BPIFB6: variants seen among roughly 807,000 people sequenced by gnomAD.
The protein encoded by BPIFB6 is BPI fold-containing family B member 6.
BPIFB6 carries 47 observed loss-of-function variants against 54.7 expected under a neutral mutation model. The ratio of observed to expected loss-of-function variants is 0.86; its 90% CI spans 0.68 to 1.10. The LOEUF is 1.10. Ranked by LOEUF, BPIFB6 falls within the 50% of genes least tolerant of loss-of-function variation. The pLI is 0.00. For synonymous variants in BPIFB6, 255 were observed against 225.9 expected (o/e 1.13, Z -1.16); for missense variants, 603 against 564.1 (o/e 1.07, Z -0.70).
Position 33,035,127 on chromosome 20 carries a change from A to G in BPIFB6, c.499A>G (p.Lys167Glu), listed in dbSNP as rs1394304226. The change falls in exon 5 of 15, where the codon AAA becomes GAA. Residue 167 changes from lysine (K) to glutamate (E), a missense_variant. Coordinates refer to ENST00000349552, the MANE Select transcript of BPIFB6 (RefSeq NM_174897.2). Reference protein sequence around the residue: ...VNKFLDSTLHKVLPGLMCPAI... With the variant: ...VNKFLDSTLHEVLPGLMCPAI... The stretch of plus-strand genomic sequence containing the variant: ...CAAGTTCCTGGACAGCACCCTGCAC[A>G]AAGTCCTCCCTGGGCTGGTGAGTGA... 2.5e-6 allele frequency: 4 copies of G among 1,613,704 alleles called. No homozygotes were observed. Among genetic ancestry groups the G allele is most frequent in the Non-Finnish European group, 3.4e-6 (4 of 1,180,028 alleles).
chr20:33,039,606 G>A lies in BPIFB6; in HGVS notation c.1074+86G>A. On this transcript the variant is annotated intron_variant, in intron 10 of 14. Coordinates refer to ENST00000349552, the MANE Select transcript of BPIFB6 (RefSeq NM_174897.2). Reference sequence around the variant, plus strand: ...GATGGGATTTTTAGTTGACAGCCAAGTCATGGATCAGAGGGATCAGTTAAT... The same window carrying A: ...GATGGGATTTTTAGTTGACAGCCAAATCATGGATCAGAGGGATCAGTTAAT... The A allele has an allele frequency of 2.2e-6, 3 of 1,389,036 alleles. No individual in the cohort carries two copies. The Admixed American group carries it at 6.2e-5, about 29-fold the overall frequency. The allele number at this position is 1,389,036 out of a possible 1,614,324, so 86.0% of individuals were successfully genotyped here.
At chr20:33,037,976 C>G (rs1176888442) in intron 8 of BPIFB6, among the ~76,000 whole-genome samples, 2 of 152,104 alleles carry the variant, frequency 1.3e-5, no homozygotes, top group Non-Finnish European at 2.9e-5. Context: ...ATTTATCAAC[C>G]TACATCTCTA....
At position 33,036,517 on chromosome 20, in the gene BPIFB6, A is replaced by G; in HGVS notation, c.650A>G (p.Tyr217Cys). 6.2e-7 allele frequency: 1 copy of G among 1,614,198 alleles called. No individual in the cohort carries two copies. Among genetic ancestry groups the G allele is most frequent in the South Asian group, 1.1e-5 (1 of 91,086 alleles). The change falls in exon 7 of 15, where the codon TAC (tyrosine) becomes TGC (cysteine). Residue 217 changes from tyrosine (Y) to cysteine (C), a missense_variant. Tyr to Cys is a radical substitution (Grantham distance 194, BLOSUM62 -2). Coordinates refer to ENST00000349552, the MANE Select transcript of BPIFB6 (RefSeq NM_174897.2). ...TCCGCACCAGCCACCACAGCCAGCT[A>G]CATCCAACTGGACTTCAGTGTAAGC... ...LMSAPATTAS[Y>C]IQLDFSPVVQ...
chr20:33,036,648 C>T (rs1256328319), intron 7 of BPIFB6, 112 bp downstream of exon 7: 4 of 1,023,374 alleles, frequency 3.9e-6, no homozygotes, highest in Non-Finnish European at 4.6e-6. Flanking sequence ...GGGAGGGAGG[C>T]CCCTCAAGCC....
At chr20:33,034,342 A>C in intron 3 of BPIFB6, 52 bp downstream of exon 3, 3 of 1,219,102 alleles carry the variant, frequency 2.5e-6, no homozygotes, top group Non-Finnish European at 2.4e-6. Flanking sequence ...TTCCTGTCTC[A>C]TCCTTACATG....
At chr20:33,037,845 G>A in intron 8 of BPIFB6, 107 bp downstream of exon 8, 2 of 1,271,766 alleles carry the variant, frequency 1.6e-6, no homozygotes, top group Non-Finnish European at 2.2e-6. Context: ...GCAACACTAG[G>A]ACTGGAAGAT....
intron 12 of BPIFB6, 33 bp downstream of exon 12, chr20:33,042,048 G>T (rs56181651): frequency 4.4e-6 from 7 of 1,601,286 alleles, no homozygotes; most frequent in South Asian, 2.2e-5. Context: ...CCTGTCCGGC[G>T]TGAGGACAAG....
intron 5 of BPIFB6, 75 bp from the exon 6 acceptor site, chr20:33,035,537 C>G: frequency 1.3e-6 from 2 of 1,487,800 alleles, no homozygotes; most frequent in Non-Finnish European, 1.9e-6. Context: ...TGGGATGGCC[C>G]GTGGTGTACC....
In BPIFB6 at chr20:33,034,045, C is replaced by T. The variant is rs550380672; in HGVS notation, c.198-141C>T. The T allele has an allele frequency of 4.2e-5, 29 of 695,536 alleles. No homozygotes were observed. The East Asian group carries it at 6.7e-4, about 16-fold the overall frequency. 43.1% of individuals were successfully genotyped at this position (695,536 alleles called of 1,614,324 possible). A position where few individuals can be genotyped will look rare whatever the true frequency, so the allele number is the denominator to read the frequency against. ...TTTTGTTTTGCATTTCATAATGGCC[C>T]CATGAATCATGCTTACCCCCATGAC... On this transcript the variant is annotated intron_variant, in intron 2 of 14. Coordinates refer to ENST00000349552, the MANE Select transcript of BPIFB6 (RefSeq NM_174897.2).
At chr20:33,043,269 T>C (rs757195828) in intron 13 of BPIFB6, 22 bp from the exon 14 acceptor site, 12 of 1,610,898 alleles carry the variant, frequency 7.4e-6, no homozygotes, top group East Asian at 2.2e-5. Flanking sequence ...CAGGCTGATA[T>C]GACTCTTACT....
chr20:33,033,243 T>C (rs1979182113), intron 2 of BPIFB6, 160 bp downstream of exon 2: 1 of 695,242 alleles, frequency 1.4e-6, no homozygotes, highest in African/African-American at 1.8e-5. Flanking sequence ...GGTAGGTCAC[T>C]GCTCCTGCCT....
intron 2 of BPIFB6, 119 bp from the exon 3 acceptor site, chr20:33,034,067 T>G (rs969335587): frequency 2.7e-6 from 2 of 750,872 alleles, no homozygotes; most frequent in Admixed American, 3.5e-5. Flanking sequence ...CTTACCCCCA[T>G]GACATGGGAT....
At chr20:33,042,091 C>A in intron 12 of BPIFB6, 76 bp downstream of exon 12, 1 of 1,477,954 alleles carries the variant, frequency 6.8e-7, no homozygotes. Context: ...ACTACAGGGC[C>A]GAGGCCCTGA....
At position 33,040,248 on chromosome 20, in the gene BPIFB6, C is replaced by T. The variant is rs1979521335; in HGVS notation, c.1075-3C>T. 6.2e-7 allele frequency: 1 copy of T among 1,614,038 alleles called. No homozygotes were observed. The highest frequency in any genetic ancestry group is 8.5e-7 in the Non-Finnish European group (1 of 1,179,940). On this transcript the variant is annotated splice_polypyrimidine_tract_variant and splice_region_variant and intron_variant, in intron 10 of 14. Coordinates refer to ENST00000349552, the MANE Select transcript of BPIFB6 (RefSeq NM_174897.2). ...TCTCCCTGCTTCCTCCCCACCATGC[C>T]AGCACTTCAATCTGAAGGTCCAGTA...
rs1489119380 is a variant in BPIFB6, at chr20:33,043,468, G to A, written c.1329+101G>A. On this transcript the variant is annotated intron_variant, in intron 14 of 14. Transcript: ENST00000349552. ...CTCAAACTGGAAAGGGTAGAGCCTG[G>A]GAGGGCAGGTGGCCATCAATATAAT... The A allele has an allele frequency of 5.3e-6, 6 of 1,132,624 alleles. No homozygotes were observed. In the East Asian group the frequency reaches 1.4e-4, roughly 27 times the overall value. 70.2% of individuals were successfully genotyped at this position (1,132,624 alleles called of 1,614,324 possible).
At chr20:33,033,449 C>T (rs901929082) in intron 2 of BPIFB6, 6 of 456,260 alleles carry the variant, frequency 1.3e-5, no homozygotes, top group Non-Finnish European at 2.7e-5. Context: ...CATCTAATGA[C>T]AAGAGGAAAC....
At chr20:33,043,266 A>T in intron 13 of BPIFB6, 25 bp from the exon 14 acceptor site, 1 of 1,608,408 alleles carries the variant, frequency 6.2e-7, no homozygotes, top group South Asian at 1.1e-5. Flanking sequence ...AGTCAGGCTG[A>T]TATGACTCTT....
Position 33,034,211 on chromosome 20 carries a change from C to T in BPIFB6, c.223C>T (p.Pro75Ser). 6.2e-7 allele frequency: 1 copy of T among 1,614,094 alleles called. No homozygotes were observed. The highest frequency in any genetic ancestry group is 8.5e-7 in the Non-Finnish European group (1 of 1,179,978). The change falls in exon 3 of 15, where the codon CCC becomes TCC. Residue 75 changes from proline (P) to serine (S), a missense_variant. Pro to Ser is a moderately conservative substitution (Grantham distance 74, BLOSUM62 -1). Transcript: ENST00000349552. Reference sequence around the variant, plus strand: ...TTTGAAGGTGAAGGATGTCCAGCTGCCCGTCATCACACTGAACTTTGTACC... The same window carrying T: ...TTTGAAGGTGAAGGATGTCCAGCTGTCCGTCATCACACTGAACTTTGTACC... ...TNLKVKDVQL[P>S]VITLNFVPGV...
chr20:33,042,750 G>A (rs1979641286), intron 12 of BPIFB6, 65 bp from the exon 13 acceptor site: 4 of 1,483,018 alleles, frequency 2.7e-6, no homozygotes, highest in African/African-American at 2.8e-5. Flanking sequence ...AGAGAGGGCT[G>A]AAAAGATCTG....
Sources: allele counts gnomAD v4.1 joint callset (sites outside exome capture counted in the v4.1 genomes callset), GRCh38; gene constraint gnomAD v4.1.1; transcripts MANE v1.5; gene names NCBI Gene and HGNC (gene_info 2026-07-23, HGNC 2026-07-21).